The following CDKN2B-AS1 variants were observed in gnomAD, a reference collection of about 807,000 sequenced individuals.
CDKN2B-AS1 encodes the protein CDKN2B and CDKN2A antisense cis and trans regulatory RNA 1, also known as CDKN2B antisense RNA 1 (non-protein coding).
intron 1 of CDKN2B-AS1, among the ~76,000 whole-genome samples, chr9:22,036,469 A>G (rs1294337806): frequency 1.3e-5 from 2 of 152,146 alleles, no homozygotes; most frequent in African/African-American, 4.8e-5. Context: ...TGCATCAAAT[A>G]ACAAAGTTAG....
chr9:21,996,787 G>A lies in CDKN2B-AS1; in HGVS notation n.29+1626G>A, dbSNP rs1300005541. 6.6e-6 allele frequency among the ~76,000 whole-genome samples: 1 copy of A among 152,186 alleles called. No individual in the cohort carries two copies. The highest frequency in any genetic ancestry group is 6.5e-5 in the Admixed American group (1 of 15,284). On this transcript the variant is annotated intron_variant and non_coding_transcript_variant, in intron 1 of 4. Coordinates refer to ENST00000650946, the Ensembl canonical transcript of CDKN2B-AS1. This position sits in a 1 kb window ranked among gnomAD's most constrained non-coding sequence, Gnocchi z 5.4. ...TTCATCCTGGAAGAAAAACGATGTC[G>A]GATGCCAGCATAGTGTCATTTAAAG...
At chr9:22,074,922 C>T (rs1824436927) in intron 4 of CDKN2B-AS1, among the ~76,000 whole-genome samples, 1 of 152,116 alleles carries the variant, frequency 6.6e-6, no homozygotes. Context: ...ATTGTTTCTC[C>T]AAGTAATGAA....
chr9:22,074,116 G>T (rs1360896032), intron 4 of CDKN2B-AS1, among the ~76,000 whole-genome samples: 2 of 152,082 alleles, frequency 1.3e-5, no homozygotes, highest in Non-Finnish European at 2.9e-5. Flanking sequence ...GCTCATCTTG[G>T]CCTCCCAAAT....
chr9:22,006,057 G>A lies in CDKN2B-AS1; in HGVS notation n.29+10896G>A, dbSNP rs921490761. On this transcript the variant is annotated intron_variant and non_coding_transcript_variant, in intron 1 of 4. Transcript: ENST00000650946. The surrounding 1 kb of genome is among the most constrained non-coding windows in gnomAD (Gnocchi z 6.4). ...GCCCCGCTCCTCGGCCAAGTCCACG[G>A]GCAGACGACCCCAGGCATCGCGCAC... 6.2e-7 allele frequency: 1 copy of A among 1,605,784 alleles called. No homozygotes were observed. Among genetic ancestry groups the A allele is most frequent in the Non-Finnish European group, 8.5e-7 (1 of 1,179,648 alleles).
At position 22,094,814 on chromosome 9, in the gene CDKN2B-AS1, G is replaced by A. The variant is rs1005625436; in HGVS notation, n.439-32289G>A. ...ATCTGAAGACTTCTTCTCTCAACTC[G>A]TCAAAGTCATTCTCCATCCAGCTTT... On this transcript the variant is annotated intron_variant and non_coding_transcript_variant, in intron 4 of 4. Coordinates refer to ENST00000650946, the Ensembl canonical transcript of CDKN2B-AS1. Among the ~76,000 whole-genome samples the A allele has an allele frequency of 8.3e-5, 12 of 144,236 alleles. 1 individual carries two copies. The highest frequency in any genetic ancestry group is 2.1e-4 in the South Asian group (1 of 4,740). The allele number at this position is 144,236 out of a possible 152,430, so 94.6% of individuals were successfully genotyped here.
At chr9:22,089,619 T>C (rs577910727) in intron 4 of CDKN2B-AS1, among the ~76,000 whole-genome samples, 32 of 152,014 alleles carry the variant, frequency 2.1e-4, no homozygotes, top group South Asian at 4.2e-4. Context: ...TCTTTTTTTT[T>C]CCCCTTATTT....
At chr9:22,083,340 A>T (rs1317254631) in intron 4 of CDKN2B-AS1, among the ~76,000 whole-genome samples, 1 of 152,162 alleles carries the variant, frequency 6.6e-6, no homozygotes, top group African/African-American at 2.4e-5. Context: ...AGTGCAGGGG[A>T]TGCAGAGTGC....
chr9:22,090,255 C>G (rs1016898852), intron 4 of CDKN2B-AS1, among the ~76,000 whole-genome samples: 1 of 152,058 alleles, frequency 6.6e-6, no homozygotes, highest in African/African-American at 2.4e-5. Flanking sequence ...GGTTCCAAGT[C>G]TTTGCTATTG....
At chr9:22,071,757 A>G (rs1192987976) in intron 4 of CDKN2B-AS1, among the ~76,000 whole-genome samples, 1 of 152,160 alleles carries the variant, frequency 6.6e-6, no homozygotes, top group Non-Finnish European at 1.5e-5. Context: ...TTTTCGTATT[A>G]ATGAGTTCAA....
intron 1 of CDKN2B-AS1, chr9:22,009,018 C>T (rs1821350674): frequency 2.5e-6 from 4 of 1,607,240 alleles, no homozygotes; most frequent in Non-Finnish European, 3.4e-6. Flanking sequence ...TAACGACACT[C>T]TTCCCTTCTT....
At chr9:22,061,201 C>T (rs1823805851) in intron 4 of CDKN2B-AS1, among the ~76,000 whole-genome samples, 1 of 152,186 alleles carries the variant, frequency 6.6e-6, no homozygotes, top group Admixed American at 6.5e-5. Context: ...ATGACCATCA[C>T]AGCTGGAAGT....
chr9:22,030,717 G>C (rs1822433367), intron 1 of CDKN2B-AS1: 1 of 151,482 alleles, frequency 6.6e-6, no homozygotes, highest in Non-Finnish European at 1.5e-5. Context: ...CTCATTACAG[G>C]ATATAATAAT....
chr9:22,070,483 T>C (rs1384273041), intron 4 of CDKN2B-AS1, among the ~76,000 whole-genome samples: 17 of 152,168 alleles, frequency 1.1e-4, no homozygotes, highest in African/African-American at 4.1e-4. Context: ...GAGTGGTCAA[T>C]TTCACTTCAG....
intron 1 of CDKN2B-AS1, among the ~76,000 whole-genome samples, chr9:21,998,642 CAG>C (rs1157627931): frequency 2.0e-5 from 3 of 152,096 alleles, no homozygotes; most frequent in Non-Finnish European, 4.4e-5. Context: ...TTTTTTTTAA[CAG>C]GGGTAAATAA....
chr9:22,067,308 T>TAG (rs1824087831), intron 4 of CDKN2B-AS1, among the ~76,000 whole-genome samples: 1 of 152,194 alleles, frequency 6.6e-6, no homozygotes, highest in African/African-American at 2.4e-5. Flanking sequence ...TGTTGTATCT[T>TAG]TTATTCAGAA....
intron 1 of CDKN2B-AS1, among the ~76,000 whole-genome samples, chr9:22,036,549 C>T (rs1822696430): frequency 6.6e-6 from 1 of 152,086 alleles, no homozygotes; most frequent in Non-Finnish European, 1.5e-5. Context: ...CATGCTAGAG[C>T]TACCTCATTC....
chr9:22,107,183 G>T (rs1235878426), intron 4 of CDKN2B-AS1, among the ~76,000 whole-genome samples: 1 of 152,166 alleles, frequency 6.6e-6, no homozygotes, highest in Admixed American at 6.5e-5. Flanking sequence ...CTGAAATATT[G>T]AAGACATCAG....
At chr9:22,048,569 A>C (rs1434645316) in intron 2 of CDKN2B-AS1, among the ~76,000 whole-genome samples, 2 of 152,144 alleles carry the variant, frequency 1.3e-5, no homozygotes, top group African/African-American at 4.8e-5. Context: ...CAGGTCTTTT[A>C]GAGTTAAATA....
At chr9:22,084,162 A>G (rs1824790102) in intron 4 of CDKN2B-AS1, among the ~76,000 whole-genome samples, 1 of 152,166 alleles carries the variant, frequency 6.6e-6, no homozygotes, top group Admixed American at 6.5e-5. Context: ...AGATTTAGGC[A>G]GGTTATGTAA....
Sources: allele counts gnomAD v4.1 joint callset (sites outside exome capture counted in the v4.1 genomes callset), GRCh38; gene constraint gnomAD v4.1.1; non-coding constraint Gnocchi (gnomAD v3.1); transcripts MANE v1.5; gene names NCBI Gene and HGNC (gene_info 2026-07-23, HGNC 2026-07-21).